Variants in DCT observed in about 807,000 individuals in gnomAD.
The protein encoded by DCT is dopachrome tautomerase, also known as L-dopachrome tautomerase.
In DCT, 47 loss-of-function variants were observed where a neutral mutation model predicts 53.0. The ratio of observed to expected loss-of-function variants is 0.89; its 90% CI spans 0.70 to 1.13. The LOEUF is 1.13. Ranked by LOEUF, DCT falls within the 50% of genes most tolerant of loss-of-function variation. The probability of loss-of-function intolerance (pLI) is 0.00; values close to 1 mark genes in which losing one functional copy is unlikely to be tolerated. For missense variants in DCT, 669 were observed against 637.4 expected, an observed-to-expected ratio of 1.05 and a Z score of -0.53; for synonymous variants, 244 against 237.0, an observed-to-expected ratio of 1.03 and a Z score of -0.27.
At position 94,443,541 on chromosome 13, in the gene DCT, G is replaced by A. The variant is rs762269122; in HGVS notation, c.1276C>T (p.His426Tyr). ...AWPQELAPIG[H>Y]NRMYNMVPFF... ...GGAACCATGTTGTACATCCGATTGT[G>A]ACCAATAGGGGCCAGCTCCTGAGGC... is the stretch of plus-strand genomic sequence containing the variant. Residue 426 changes from histidine to tyrosine, a missense_variant, in exon 7 of 8, where the codon CAC (histidine) becomes TAC (tyrosine). Physicochemically the swap from His to Tyr is moderately conservative, Grantham distance 83. Transcript: ENST00000377028. The A allele has an allele frequency of 2.5e-6, 4 of 1,613,708 alleles. No homozygotes were observed. The South Asian group carries it at 3.3e-5, about 13-fold the overall frequency.
chr13:94,499,100 G>A, the DCT span, among the ~76,000 whole-genome samples: 4 of 152,082 alleles, frequency 2.6e-5, no homozygotes, highest in African/African-American at 9.7e-5. Context: ...TTGTTCTTTC[G>A]CTTTTCACAA....
At chr13:94,538,424 G>A in the DCT span, among the ~76,000 whole-genome samples, 5 of 152,210 alleles carry the variant, frequency 3.3e-5, no homozygotes, top group African/African-American at 9.7e-5. Context: ...TCCAGAGGCT[G>A]TGCTTCCCAC....
In DCT at chr13:94,474,615, T is replaced by C. The variant is rs558177102; in HGVS notation, c.295+4346A>G. Among the ~76,000 whole-genome samples, 5 of 152,318 alleles carry C rather than the reference T, an allele frequency of 3.3e-5. No homozygotes were observed. In the East Asian group the frequency reaches 9.6e-4, roughly 29 times the overall value. On this transcript the variant is annotated intron_variant, in intron 1 of 7. Transcript: ENST00000377028. ...CAAGTTTTTCAGAAGCCAAAAGACA[T>C]AGCTGCAAATGGCATATTCTCATAA...
chr13:94,543,164 C>T, the DCT span, among the ~76,000 whole-genome samples: 5 of 152,142 alleles, frequency 3.3e-5, no homozygotes, highest in Admixed American at 3.3e-4. Flanking sequence ...ATGATGTGCA[C>T]ACTAACTCAT....
intron 6 of DCT, among the ~76,000 whole-genome samples, chr13:94,456,509 T>C (rs759619435): frequency 1.3e-5 from 2 of 152,212 alleles, no homozygotes; most frequent in Non-Finnish European, 2.9e-5. Context: ...GAGAACAAGA[T>C]AAGAAATATT....
chr13:94,447,916 A>T (rs886462199), intron 6 of DCT, among the ~76,000 whole-genome samples: 1 of 152,178 alleles, frequency 6.6e-6, no homozygotes, highest in Non-Finnish European at 1.5e-5. Flanking sequence ...GAGGAATTGA[A>T]ATTGTAGCTC....
chr13:94,516,040 C>A, the DCT span, among the ~76,000 whole-genome samples: 1 of 59,086 alleles, frequency 1.7e-5, no homozygotes, highest in Non-Finnish European at 3.4e-5. Context: ...AAGCCCCGCC[C>A]CCACCCCCAC....
the DCT span, among the ~76,000 whole-genome samples, chr13:94,548,562 G>A: frequency 6.6e-6 from 1 of 151,744 alleles, no homozygotes; most frequent in Non-Finnish European, 1.5e-5. Context: ...TTCTCCCCTT[G>A]GGTCCTGGCT....
the DCT span, among the ~76,000 whole-genome samples, chr13:94,530,266 G>C: frequency 1.3e-5 from 2 of 152,166 alleles, no homozygotes; most frequent in Non-Finnish European, 2.9e-5. Context: ...GAAAAAGAGG[G>C]AATCCTCCCG....
intron 1 of DCT, among the ~76,000 whole-genome samples, chr13:94,478,180 G>A (rs964970681): frequency 1.5e-4 from 7 of 45,242 alleles, no homozygotes; most frequent in Admixed American, 3.2e-4. Context: ...CCAGCTCCTC[G>A]AGAAAGCTCT....
the DCT span, among the ~76,000 whole-genome samples, chr13:94,535,300 A>T: frequency 6.6e-6 from 1 of 152,236 alleles, no homozygotes; most frequent in African/African-American, 2.4e-5. Flanking sequence ...AAGAGGTTCA[A>T]GACTAGTCAC....
chr13:94,445,823 T>C, intron 6 of DCT: 1 of 1,221,016 alleles, frequency 8.2e-7, no homozygotes, highest in Non-Finnish European at 1.2e-6. Flanking sequence ...CAGTGTGAGC[T>C]GAATTGGGAC....
the DCT span, among the ~76,000 whole-genome samples, chr13:94,532,843 G>T: frequency 6.6e-6 from 1 of 152,160 alleles, no homozygotes; most frequent in Non-Finnish European, 1.5e-5. Flanking sequence ...ACAGCAAACT[G>T]CTTGGGAAAT....
the DCT span, among the ~76,000 whole-genome samples, chr13:94,520,376 C>A: frequency 6.6e-6 from 1 of 152,174 alleles, no homozygotes; most frequent in East Asian, 1.9e-4. Context: ...CAATTAACCT[C>A]TTTTTTCTGG....
At chr13:94,522,927 G>A in the DCT span, among the ~76,000 whole-genome samples, 3 of 152,340 alleles carry the variant, frequency 2.0e-5, no homozygotes, top group East Asian at 1.9e-4. Flanking sequence ...ATGCAGTGGT[G>A]AGTGTGTGAA....
At chr13:94,509,473 T>A in the DCT span, among the ~76,000 whole-genome samples, 1 of 150,416 alleles carries the variant, frequency 6.6e-6, no homozygotes, top group African/African-American at 2.5e-5. Flanking sequence ...TTCTGGCCAG[T>A]AAAATAAAAG....
At chr13:94,470,873 A>G (rs986505717) in intron 1 of DCT, among the ~76,000 whole-genome samples, 3 of 152,208 alleles carry the variant, frequency 2.0e-5, no homozygotes, top group Non-Finnish European at 2.9e-5. Flanking sequence ...CACTTGTTTC[A>G]GCTCCAGGCA....
rs3044355 is a variant in DCT, at chr13:94,465,968, T to TTA, written c.697-171_697-170dup. Among the ~76,000 whole-genome samples the TTA allele has an allele frequency of 7.6e-3, 589 of 77,238 alleles. 6 individuals are homozygous for TTA. The highest frequency in any genetic ancestry group is 8.7e-3 in the Non-Finnish European group (388 of 44,706). The allele number at this position is 77,238 out of a possible 152,430, so 50.7% of individuals were successfully genotyped here. ...TGACATAAATCAGTGTGTGTATATT[T>TTA]TATATATATATATATATATATATAT... On this transcript the variant is annotated intron_variant, in intron 3 of 7. Transcript: ENST00000377028.
intron 6 of DCT, among the ~76,000 whole-genome samples, chr13:94,449,490 A>T (rs1882946390): frequency 6.6e-6 from 1 of 152,240 alleles, no homozygotes; most frequent in Non-Finnish European, 1.5e-5. Flanking sequence ...ATCCTTTGTC[A>T]TCAGACTGGA....
Sources: gnomAD v4.1 joint callset for allele counts (sites outside exome capture counted in the v4.1 genomes callset) on GRCh38, gnomAD v4.1.1 for gene constraint, MANE v1.5 for transcripts, NCBI Gene and HGNC (gene_info 2026-07-23, HGNC 2026-07-21) for gene names.